Variants in UBR4 observed in about 807,000 individuals in gnomAD.
UBR4 encodes E3 ubiquitin-protein ligase UBR4.
A neutral mutation model predicts 575.6 loss-of-function variants in UBR4; 124 were observed. The observed-to-expected ratio is 0.22, with a 90% CI of 0.19 to 0.25. UBR4 has a LOEUF of 0.25. Among genes scored for constraint, UBR4 ranks in the 10% least tolerant of loss-of-function variants. UBR4 has a pLI of 1.00. For missense variants in UBR4, 4,818 were observed against 6,478.8 expected, an observed-to-expected ratio of 0.74 and a Z score of 8.80; for synonymous variants, 2,455 against 2,473.7, an observed-to-expected ratio of 0.99 and a Z score of 0.22.
chr1:19,158,140 G>T, intron 39 of UBR4, 143 bp from the exon 40 acceptor site: 1 of 729,508 alleles, frequency 1.4e-6, no homozygotes, highest in Non-Finnish European at 2.2e-6. Flanking sequence ...GTGGATGGCT[G>T]TGTAAATGTG....
intron 18 of UBR4, among the ~76,000 whole-genome samples, chr1:19,178,613 G>A (rs1051272855): frequency 6.6e-6 from 1 of 152,198 alleles, no homozygotes; most frequent in Non-Finnish European, 1.5e-5. Context: ...GGCAAATACA[G>A]GTCCATCTAA....
At chr1:19,090,743 A>G (rs950851447) in intron 97 of UBR4, among the ~76,000 whole-genome samples, 1 of 152,236 alleles carries the variant, frequency 6.6e-6, no homozygotes, top group African/African-American at 2.4e-5. Flanking sequence ...ATAAATGCCA[A>G]GTATCTAACT....
In UBR4 at chr1:19,151,633, G is replaced by A. The variant is rs780222761; in HGVS notation, c.7213+10C>T. On this transcript the variant is annotated intron_variant, in intron 48 of 105. Transcript: ENST00000375254. ...GAGGACAGAGTCTGCACCAGGGGTT[G>A]GTGACTCACTGAAGAGGTTCAGCTT... 2.5e-6 allele frequency: 4 copies of A among 1,614,020 alleles called. No homozygotes were observed. The highest frequency in any genetic ancestry group is 3.3e-5 in the Admixed American group (2 of 60,030).
At chr1:19,197,610 G>A in intron 7 of UBR4, 60 bp downstream of exon 7, 1 of 1,592,696 alleles carries the variant, frequency 6.3e-7, no homozygotes, top group Non-Finnish European at 8.5e-7. Flanking sequence ...CTGGGTGACA[G>A]AACAAGACCC....
chr1:19,199,574 C>T, intron 3 of UBR4, 77 bp downstream of exon 3: 1 of 1,365,408 alleles, frequency 7.3e-7, no homozygotes, highest in African/African-American at 1.5e-5. Flanking sequence ...AAAAAGTTCA[C>T]TGACCTCTAC....
chr1:19,148,619 C>T lies in UBR4; in HGVS notation c.7438G>A (p.Val2480Met), dbSNP rs759158435. 6.2e-7 allele frequency: 1 copy of T among 1,614,242 alleles called. No individual in the cohort carries two copies. The highest frequency in any genetic ancestry group is 8.5e-7 in the Non-Finnish European group (1 of 1,180,028). ...CTTTCCAGGGCTTCTAAAGAACTCA[C>T]AACCAGCCTGGGGAGACAGAAAACC... ...TSGTVLERLVVSSLEALESCF... is the reference protein window; with the variant it reads ...TSGTVLERLVMSSLEALESCF... Residue 2480 changes from valine (V) to methionine (M), a missense_variant, in exon 50 of 106, where the codon GTG (valine) becomes ATG (methionine). Val to Met is a conservative substitution (Grantham distance 21, BLOSUM62 1). Coordinates refer to ENST00000375254, the MANE Select transcript of UBR4 (RefSeq NM_020765.3).
At chr1:19,127,822 C>A in intron 62 of UBR4, 83 bp from the exon 63 acceptor site, 1 of 1,108,438 alleles carries the variant, frequency 9.0e-7, no homozygotes. Context: ...TCAAGTCAAG[C>A]CCATCAGCCC....
intron 25 of UBR4, among the ~76,000 whole-genome samples, chr1:19,172,003 G>T (rs2089627170): frequency 6.6e-6 from 1 of 152,170 alleles, no homozygotes; most frequent in Non-Finnish European, 1.5e-5. Context: ...GCCCAGTTTT[G>T]CCAGTTCTTC....
chr1:19,105,818 C>A lies in UBR4; in HGVS notation c.12418G>T (p.Ala4140Ser). Residue 4140 changes from alanine to serine, a missense_variant, in exon 84 of 106, where the codon GCC becomes TCC. Ala to Ser is a moderately conservative substitution (Grantham distance 99, BLOSUM62 1). Coordinates refer to ENST00000375254, the MANE Select transcript of UBR4 (RefSeq NM_020765.3). Reference protein sequence around the residue: ...RQVLFTPATQAARQAACTIVE... With the variant: ...RQVLFTPATQSARQAACTIVE... ...ATGGTACAGGCTGCCTGCCGTGCGG[C>A]CTGCGTTGCTGGAGTGAAAAGCACC... 1 of 1,606,062 alleles carries A rather than the reference C, an allele frequency of 6.2e-7. No individual in the cohort carries two copies. Among genetic ancestry groups the A allele is most frequent in the Non-Finnish European group, 8.5e-7 (1 of 1,177,544 alleles).
At chr1:19,095,738 G>T in intron 92 of UBR4, 86 bp from the exon 93 acceptor site, 1 of 1,239,700 alleles carries the variant, frequency 8.1e-7, no homozygotes, top group Non-Finnish European at 1.2e-6. Flanking sequence ...TCTAAGCAGG[G>T]TCTACACCAT....
chr1:19,112,646 G>C lies in UBR4; in HGVS notation c.11679C>G (p.Asn3893Lys). 6.2e-7 allele frequency: 1 copy of C among 1,614,282 alleles called. No homozygotes were observed. The highest frequency in any genetic ancestry group is 8.5e-7 in the Non-Finnish European group (1 of 1,180,054). ...CITLLRALATNPALRHILVSQ... is the reference protein window; with the variant it reads ...CITLLRALATKPALRHILVSQ... ...AGACAAGGATGTGCCTCAAGGCTGG[G>C]TTGGTGGCCAGGGCCCGAAGTAGTG... Residue 3893 changes from asparagine (N) to lysine (K), a missense_variant, in exon 78 of 106, where the codon AAC (asparagine) becomes AAG (lysine). By Grantham distance (94) the Asn-to-Lys change is moderately conservative (BLOSUM62 0). Coordinates refer to ENST00000375254, the MANE Select transcript of UBR4 (RefSeq NM_020765.3).
At chr1:19,197,013 A>G (rs2092496551) in intron 8 of UBR4, 128 bp downstream of exon 8, 1 of 1,151,214 alleles carries the variant, frequency 8.7e-7, no homozygotes, top group Non-Finnish European at 1.2e-6. Flanking sequence ...CCTTGATGCG[A>G]CGTTAGATGA....
Position 19,117,123 on chromosome 1 carries a change from A to G in UBR4, c.10823+98T>C. ...GGCCAAGAGGATGTATTAGGCCTCT[A>G]GGGATGTGCTGCCTTACTCCATTCC... is the stretch of plus-strand genomic sequence containing the variant. On this transcript the variant is annotated intron_variant, in intron 73 of 105. Transcript: ENST00000375254. The surrounding 1 kb of genome is among the most constrained non-coding windows in gnomAD (Gnocchi z 4.0). 1 of 1,357,592 alleles carries G rather than the reference A, an allele frequency of 7.4e-7. No homozygotes were observed. Among genetic ancestry groups the G allele is most frequent in the East Asian group, 2.3e-5 (1 of 43,424 alleles). The allele number at this position is 1,357,592 out of a possible 1,614,324, so 84.1% of individuals were successfully genotyped here. A position where few individuals can be genotyped will look rare whatever the true frequency, so the allele number is the denominator to read the frequency against.
chr1:19,193,791 C>T (rs977318085), intron 8 of UBR4, among the ~76,000 whole-genome samples: 3 of 152,008 alleles, frequency 2.0e-5, no homozygotes, highest in South Asian at 2.1e-4. Context: ...ACACTACACA[C>T]GAATGTCCTT....
At position 19,190,312 on chromosome 1, in the gene UBR4, A is replaced by AAAAAAAAATATATAT; in HGVS notation, c.1394+1875_1394+1876insATATATATTTTTTTT. Reference sequence around the variant, plus strand: ...TGCCTCAAAAAAAAAAAAAAAAAAAAATATATATATATATATATTTGTATG... The same window carrying AAAAAAAAATATATAT: ...TGCCTCAAAAAAAAAAAAAAAAAAAAAAAAAAAATATATATATATATATATATATATATTTGTATG... On this transcript the variant is annotated intron_variant, in intron 11 of 105. Coordinates refer to ENST00000375254, the MANE Select transcript of UBR4 (RefSeq NM_020765.3). Among the ~76,000 whole-genome samples the AAAAAAAAATATATAT allele has an allele frequency of 1.3e-3, 103 of 79,838 alleles. 1 individual carries two copies. The highest frequency in any genetic ancestry group is 4.3e-3 in the African/African-American group (81 of 18,732). The allele number at this position is 79,838 out of a possible 152,430, so 52.4% of individuals were successfully genotyped here.
intron 97 of UBR4, among the ~76,000 whole-genome samples, chr1:19,090,336 A>G (rs1421059981): frequency 6.6e-6 from 1 of 152,010 alleles, no homozygotes; most frequent in Non-Finnish European, 1.5e-5. Context: ...CCTCCCTTCA[A>G]TTCACTCTCT....
At chr1:19,178,495 T>C (rs926959869) in intron 18 of UBR4, among the ~76,000 whole-genome samples, 2 of 152,210 alleles carry the variant, frequency 1.3e-5, no homozygotes, top group Admixed American at 1.3e-4. Flanking sequence ...GGTTTATGCT[T>C]TCTCAAATCC....
At position 19,126,536 on chromosome 1, in the gene UBR4, C is replaced by G; in HGVS notation, c.9348G>C (p.Glu3116Asp). Residue 3116 changes from glutamate to aspartate, a missense_variant, in exon 64 of 106, where the codon GAG (glutamate) becomes GAC (aspartate). Glu to Asp is a conservative substitution (Grantham distance 45). This residue lies in a region of UBR4 where 550 missense variants were observed against 791.5 expected (regional missense o/e 0.69). Coordinates refer to ENST00000375254, the MANE Select transcript of UBR4 (RefSeq NM_020765.3). ...LEYWKSQQND[E>D]EPVATSQLLK... ...GCAACTGGCTGGTAGCCACAGGCTC[C>G]TCGTCATTCTGTTGGCTCTTCCAAT... 1 of 1,614,232 alleles carries G rather than the reference C, an allele frequency of 6.2e-7. No homozygotes were observed. Among genetic ancestry groups the G allele is most frequent in the Non-Finnish European group, 8.5e-7 (1 of 1,180,032 alleles).
In UBR4 at chr1:19,162,432, C is replaced by G; in HGVS notation, c.4944G>C (p.Gln1648His). The change falls in exon 35 of 106, where the codon CAG (glutamine) becomes CAC (histidine). Residue 1648 changes from glutamine (Q) to histidine (H), a missense_variant. Physicochemically the swap from Gln to His is conservative, Grantham distance 24. Around this residue, in one of 29 missense-constraint regions of UBR4, gnomAD observed 18 missense variants for 37.3 expected, o/e 0.48. Coordinates refer to ENST00000375254, the MANE Select transcript of UBR4 (RefSeq NM_020765.3). ...ACTTAGTACTTACTGAATCCTCAGCCTGGGAATCTTCCTCTTCCACCGCCA... is the reference window on the plus strand; with the variant it reads ...ACTTAGTACTTACTGAATCCTCAGCGTGGGAATCTTCCTCTTCCACCGCCA... ...EELAVEEEDS[Q>H]AEDSDEDSLC... The G allele has an allele frequency of 1.2e-6, 2 of 1,613,142 alleles. No individual in the cohort carries two copies. Among genetic ancestry groups the G allele is most frequent in the Non-Finnish European group, 1.7e-6 (2 of 1,179,664 alleles).
Sources: gnomAD v4.1 joint callset for allele counts (sites outside exome capture counted in the v4.1 genomes callset) on GRCh38, gnomAD v4.1.1 for gene constraint, gnomAD v4.1.1 regional missense constraint, Gnocchi (gnomAD v3.1) non-coding constraint, MANE v1.5 for transcripts, NCBI Gene and HGNC (gene_info 2026-07-23, HGNC 2026-07-21) for gene names.